The following PCDHA8 variants were observed in gnomAD, a reference collection of about 807,000 sequenced individuals.
PCDHA8 encodes the protein protocadherin alpha-8.
A neutral mutation model predicts 61.8 loss-of-function variants in PCDHA8; 53 were observed. The observed-to-expected ratio is 0.86, with a 90% CI of 0.69 to 1.08. The LOEUF (loss-of-function observed/expected upper bound fraction) is 1.08. PCDHA8 is among the 50% of genes least tolerant of loss of function. The probability of loss-of-function intolerance (pLI) is 0.00; values close to 1 mark genes in which losing one functional copy is unlikely to be tolerated. For missense variants in PCDHA8, 1,293 were observed against 1,245.0 expected (o/e 1.04, Z -0.58); for synonymous variants, 618 against 556.6 (o/e 1.11, Z -1.55).
At chr5:140,848,403 G>A (rs1052101954) in intron 1 of PCDHA8, 4 of 1,316,724 alleles carry the variant, frequency 3.0e-6, no homozygotes. Context: ...GCTGAACGAT[G>A]GCGAACACAG....
At position 140,856,829 on chromosome 5, in the gene PCDHA8, A is replaced by G. The variant is rs781823533; in HGVS notation, c.2394+13114A>G. The G allele has an allele frequency of 3.4e-5, 54 of 1,592,340 alleles. 7 individuals are homozygous for G. The highest frequency in any genetic ancestry group is 4.6e-5 in the Non-Finnish European group (54 of 1,162,524). ...AAATCAAGTGAACCAAACATTAGTA[A>G]TACGGCTCAACGCTTCTGATTCGGA... On this transcript the variant is annotated intron_variant, in intron 1 of 3. Coordinates refer to ENST00000531613, the MANE Select transcript of PCDHA8 (RefSeq NM_018911.3).
At chr5:140,860,192 C>CATATATATATATATATATATAT (rs143984774) in intron 1 of PCDHA8, 4 of 146,814 alleles carry the variant, frequency 2.7e-5, no homozygotes, top group Admixed American at 6.8e-5. Context: ...GCTCTCCTTA[C>CATATATATATATATATATATAT]ATATATATCT....
chr5:140,857,434 C>T (rs987628518), intron 1 of PCDHA8: 2 of 1,598,440 alleles, frequency 1.3e-6, no homozygotes, highest in Non-Finnish European at 1.7e-6. Context: ...ACACGGTGTT[C>T]GTGAAGGAGA....
chr5:140,852,691 T>A, intron 1 of PCDHA8: 2 of 974,798 alleles, frequency 2.1e-6, no homozygotes, highest in Non-Finnish European at 2.5e-6. Flanking sequence ...TATAGTCTTA[T>A]ACTTTCAAGT....
chr5:140,926,793 G>T (rs2083556626), intron 1 of PCDHA8: 2 of 1,444,034 alleles, frequency 1.4e-6, no homozygotes, highest in Admixed American at 5.5e-5. Flanking sequence ...CGGCAGGAGC[G>T]TGCTCTTCCC....
At chr5:140,858,580 A>C in intron 1 of PCDHA8, 1 of 1,352,736 alleles carries the variant, frequency 7.4e-7, no homozygotes, top group Non-Finnish European at 1.0e-6. Flanking sequence ...CCTTTGTAAT[A>C]TAATTTATTC....
chr5:140,862,716 G>T, intron 1 of PCDHA8: 3 of 564,370 alleles, frequency 5.3e-6, no homozygotes, highest in Non-Finnish European at 1.0e-5. Flanking sequence ...GGGTGGGCGA[G>T]TGCGCGCTGT....
rs1475862780 is a variant in PCDHA8 at position 140,982,724 on chromosome 5, G to T, written c.2542+161G>T. On this transcript the variant is annotated intron_variant, in intron 3 of 3. Transcript: ENST00000531613. Reference sequence around the variant, plus strand: ...ATTTCCTTACATATATGATTATTTTGATTTTATACCTAATGCTCTTCAGGA... The same window carrying T: ...ATTTCCTTACATATATGATTATTTTTATTTTATACCTAATGCTCTTCAGGA... 5.5e-6 allele frequency: 5 copies of T among 906,286 alleles called. No homozygotes were observed. The African/African-American group carries it at 9.0e-5, about 16-fold the overall frequency. The allele number at this position is 906,286 out of a possible 1,614,324, so 56.1% of individuals were successfully genotyped here.
intron 3 of PCDHA8, among the ~76,000 whole-genome samples, chr5:140,993,154 A>T (rs2097543247): frequency 6.6e-6 from 1 of 152,220 alleles, no homozygotes; most frequent in Admixed American, 6.5e-5. Flanking sequence ...AATGGATTCT[A>T]AATATTTGCC....
chr5:140,949,068 CTT>C (rs1199095008), intron 1 of PCDHA8, among the ~76,000 whole-genome samples: 2 of 151,676 alleles, frequency 1.3e-5, no homozygotes, highest in African/African-American at 4.8e-5. Context: ...TGATTTAACT[CTT>C]TCACCCATTT....
chr5:140,933,388 GCCATCTGGTTA>G (rs1563137793), intron 1 of PCDHA8, among the ~76,000 whole-genome samples: 2 of 151,906 alleles, frequency 1.3e-5, no homozygotes, highest in Non-Finnish European at 2.9e-5. Context: ...TGTTCCTAGA[GCCATCTGGTTA>G]CCATCTACAG....
At chr5:140,966,666 C>T (rs2153748360) in intron 1 of PCDHA8, 7 of 1,259,308 alleles carry the variant, frequency 5.6e-6, no homozygotes, top group Non-Finnish European at 7.2e-6. Context: ...GGGGAGCAGG[C>T]GCAGGGTGGC....
chr5:140,895,968 G>T lies in PCDHA8; in HGVS notation c.2394+52253G>T, dbSNP rs190056652. 4.1e-3 allele frequency among the ~76,000 whole-genome samples: 628 copies of T among 152,052 alleles called. 2 individuals are homozygous for T. Among genetic ancestry groups the T allele is most frequent in the Middle Eastern group, 6.8e-3 (2 of 294 alleles). On this transcript the variant is annotated intron_variant, in intron 1 of 3. Coordinates refer to ENST00000531613, the MANE Select transcript of PCDHA8 (RefSeq NM_018911.3). ...TGGGATTACAGGTGCCTGTCACCAG[G>T]CCTAGCTAATTTTTGTATTTTAAGT... is the stretch of plus-strand genomic sequence containing the variant.
rs571215806 is a variant in PCDHA8, at chr5:140,940,454, G to T, written c.2395-38495G>T. Among the ~76,000 whole-genome samples, 18 of 151,694 alleles carry T rather than the reference G, an allele frequency of 1.2e-4. No homozygotes were observed. The East Asian group carries it at 3.3e-3, about 28-fold the overall frequency. On this transcript the variant is annotated intron_variant, in intron 1 of 3. Coordinates refer to ENST00000531613, the MANE Select transcript of PCDHA8 (RefSeq NM_018911.3). ...AAGTCTGCCATGATATTTTTTATAGGTTTCTGTTCCCTGCAATTTTTTTTT... is the reference window on the plus strand; with the variant it reads ...AAGTCTGCCATGATATTTTTTATAGTTTTCTGTTCCCTGCAATTTTTTTTT...
intron 1 of PCDHA8, among the ~76,000 whole-genome samples, chr5:140,893,912 G>A (rs1254345100): frequency 6.6e-6 from 1 of 152,124 alleles, no homozygotes; most frequent in Non-Finnish European, 1.5e-5. Flanking sequence ...TGAATTTGTG[G>A]TCTTTTTCAG....
intron 1 of PCDHA8, among the ~76,000 whole-genome samples, chr5:140,952,252 A>T (rs1230858145): frequency 6.6e-6 from 1 of 151,034 alleles, no homozygotes; most frequent in Admixed American, 6.6e-5. Context: ...CTGCTGGTGG[A>T]TTCCCATTCT....
intron 3 of PCDHA8, among the ~76,000 whole-genome samples, chr5:140,999,091 T>A (rs1342614556): frequency 2.0e-5 from 3 of 152,208 alleles, no homozygotes; most frequent in African/African-American, 7.2e-5. Flanking sequence ...TTCAGAGGGC[T>A]ATGGAGAGTA....
intron 1 of PCDHA8, chr5:140,868,839 C>T (rs1442886604): frequency 4.6e-6 from 2 of 432,190 alleles, no homozygotes; most frequent in East Asian, 3.8e-5. Flanking sequence ...ACCCAAAACA[C>T]GTGAAATTCT....
rs1262601662 is a variant in PCDHA8, at chr5:141,011,550, A to C, written c.*1613A>C. On this transcript the variant is annotated 3_prime_UTR_variant, in exon 4 of 4. Coordinates refer to ENST00000531613, the MANE Select transcript of PCDHA8 (RefSeq NM_018911.3). ...CATTGTTAATCAGCTTTTGTGTATG[A>C]AAGACACAGTAAAATTTCTTTCTTA... 6 of 153,770 alleles carry C rather than the reference A, an allele frequency of 3.9e-5. No homozygotes were observed. The highest frequency in any genetic ancestry group is 1.4e-4 in the African/African-American group (6 of 41,462). The allele number at this position is 153,770 out of a possible 1,614,324, so 9.5% of individuals were successfully genotyped here. A position where few individuals can be genotyped will look rare whatever the true frequency, so the allele number is the denominator to read the frequency against.
Sources: allele counts gnomAD v4.1 joint callset (sites outside exome capture counted in the v4.1 genomes callset), GRCh38; gene constraint gnomAD v4.1.1; transcripts MANE v1.5; gene names NCBI Gene and HGNC (gene_info 2026-07-23, HGNC 2026-07-21).